The following STX8 variants were observed in gnomAD, a reference collection of about 807,000 sequenced individuals.
STX8 encodes syntaxin-8.
In STX8, 23 loss-of-function variants were observed where a neutral mutation model predicts 37.5. The ratio of observed to expected loss-of-function variants is 0.61; its 90% CI spans 0.44 to 0.87. STX8 has a LOEUF of 0.87. Ranked by LOEUF, STX8 falls within the 40% of genes least tolerant of loss-of-function variation. The pLI is 0.00. For synonymous variants in STX8, 115 were observed against 99.1 expected, an observed-to-expected ratio of 1.16 and a Z score of -0.95; for missense variants, 313 against 284.7, an observed-to-expected ratio of 1.10 and a Z score of -0.71.
chr17:9,417,799 C>A (rs1185069426), intron 6 of STX8, among the ~76,000 whole-genome samples: 5 of 152,122 alleles, frequency 3.3e-5, no homozygotes, highest in Non-Finnish European at 7.4e-5. Flanking sequence ...GGAACCTCCA[C>A]GAACACCCCT....
chr17:9,271,713 G>GCAC (rs1907468820), intron 7 of STX8, among the ~76,000 whole-genome samples: 1 of 142,306 alleles, frequency 7.0e-6, no homozygotes, highest in Non-Finnish European at 1.5e-5. Context: ...TTGTGCCACT[G>GCAC]CACTCCAGCC....
intron 7 of STX8, among the ~76,000 whole-genome samples, chr17:9,338,048 A>ATTTTTTTTTTTTTTTTT (rs972471091): frequency 9.3e-6 from 1 of 107,888 alleles, no homozygotes; most frequent in Non-Finnish European, 1.9e-5. Context: ...CCTCTGAAGG[A>ATTTTTTTTTTTTTTTTT]TTTTTTTTTT....
intron 5 of STX8, among the ~76,000 whole-genome samples, chr17:9,495,717 A>T (rs12453643): frequency 0.18 from 26,655 of 152,192 alleles, 2,516 homozygotes; most frequent in South Asian, 0.24. Context: ...AATTTTCATT[A>T]CACAATCCAA....
chr17:9,401,251 T>G (rs761606796), intron 6 of STX8, among the ~76,000 whole-genome samples: 7 of 152,248 alleles, frequency 4.6e-5, no homozygotes, highest in Non-Finnish European at 1.0e-4. Context: ...TCCTCTTGTA[T>G]CTCAACAAAA....
intron 6 of STX8, among the ~76,000 whole-genome samples, chr17:9,418,917 T>C (rs976500650): frequency 6.2e-5 from 9 of 144,310 alleles, no homozygotes; most frequent in Non-Finnish European, 7.6e-5. Flanking sequence ...CCCCTCTTTT[T>C]TTTTCTTTTT....
At chr17:9,262,214 GTT>G (rs1907063164) in intron 7 of STX8, among the ~76,000 whole-genome samples, 1 of 151,742 alleles carries the variant, frequency 6.6e-6, no homozygotes, top group East Asian at 1.9e-4. Flanking sequence ...TGAGCCCTGC[GTT>G]CCATACATCG....
chr17:9,327,618 G>T (rs1597606918), intron 7 of STX8, among the ~76,000 whole-genome samples: 1 of 152,106 alleles, frequency 6.6e-6, no homozygotes, highest in African/African-American at 2.4e-5. Flanking sequence ...TACAGGGCAG[G>T]ACCTCTCTGG....
intron 7 of STX8, among the ~76,000 whole-genome samples, chr17:9,305,102 A>AT (rs1908929446): frequency 6.6e-6 from 1 of 151,294 alleles, no homozygotes; most frequent in Non-Finnish European, 1.5e-5. Flanking sequence ...TATTATTATT[A>AT]TTATTTTTTG....
At chr17:9,410,152 T>C (rs1164793556) in intron 6 of STX8, among the ~76,000 whole-genome samples, 1 of 152,232 alleles carries the variant, frequency 6.6e-6, no homozygotes, top group Admixed American at 6.5e-5. Flanking sequence ...TGTTTCATGC[T>C]TGCATGAATG....
chr17:9,286,686 C>CAA lies in STX8; in HGVS notation c.644-36043_644-36042dup, dbSNP rs34274390. Among the ~76,000 whole-genome samples, 173 of 82,882 alleles carry CAA rather than the reference C, an allele frequency of 2.1e-3. 1 individual carries two copies. The highest frequency in any genetic ancestry group is 6.7e-3 in the Middle Eastern group (1 of 150). The allele number at this position is 82,882 out of a possible 152,430, so 54.4% of individuals were successfully genotyped here. A position where few individuals can be genotyped will look rare whatever the true frequency, so the allele number is the denominator to read the frequency against. ...AATTGCTTCAGGGAACAAAGGGAAG[C>CAA]AAAAAAAAAAAAAAAAAAGTCCTGT... On this transcript the variant is annotated intron_variant, in intron 7 of 7. Coordinates refer to ENST00000306357, the MANE Select transcript of STX8 (RefSeq NM_004853.3).
intron 7 of STX8, among the ~76,000 whole-genome samples, chr17:9,324,346 A>C (rs16958141): frequency 0.081 from 12,364 of 152,040 alleles, 1,621 homozygotes; most frequent in African/African-American, 0.28. Flanking sequence ...CTTTTTTCCA[A>C]ATTAACAACT....
At chr17:9,495,483 G>A (rs1275772195) in intron 5 of STX8, among the ~76,000 whole-genome samples, 1 of 151,930 alleles carries the variant, frequency 6.6e-6, no homozygotes, top group Non-Finnish European at 1.5e-5. Context: ...TTTCCATTAG[G>A]AAAAGAGTCA....
chr17:9,351,541 T>C lies in STX8; in HGVS notation c.643+27011A>G, dbSNP rs369535642. Among the ~76,000 whole-genome samples the C allele has an allele frequency of 7.6e-4, 116 of 152,304 alleles. No homozygotes were observed. The South Asian group carries it at 0.023, about 31-fold the overall frequency. ...ATCATATCATTGTTAATCTGAAGAA[T>C]TTTAACACTGATACAACATTATCTA... is the stretch of plus-strand genomic sequence containing the variant. On this transcript the variant is annotated intron_variant, in intron 7 of 7. Coordinates refer to ENST00000306357, the MANE Select transcript of STX8 (RefSeq NM_004853.3).
intron 1 of STX8, among the ~76,000 whole-genome samples, chr17:9,574,755 A>G (rs1483076615): frequency 6.6e-6 from 1 of 151,862 alleles, no homozygotes; most frequent in Non-Finnish European, 1.5e-5. Flanking sequence ...GCTGGTCTCG[A>G]CCTCCCGACC....
At chr17:9,458,572 C>G (rs1905255219) in intron 6 of STX8, among the ~76,000 whole-genome samples, 1 of 152,170 alleles carries the variant, frequency 6.6e-6, no homozygotes, top group Non-Finnish European at 1.5e-5. Flanking sequence ...TTGAGAAGAC[C>G]AATGCATGAC....
At chr17:9,530,029 C>T (rs1270297909) in intron 4 of STX8, among the ~76,000 whole-genome samples, 2 of 152,032 alleles carry the variant, frequency 1.3e-5, no homozygotes, top group East Asian at 1.9e-4. Context: ...ACTGCTAGGC[C>T]GGGCGCAGTG....
chr17:9,389,726 G>T (rs1381303655), intron 6 of STX8, among the ~76,000 whole-genome samples: 2 of 151,734 alleles, frequency 1.3e-5, no homozygotes, highest in Non-Finnish European at 2.9e-5. Flanking sequence ...ATGTTATTAT[G>T]CTTTTTGCTT....
chr17:9,441,636 C>T (rs1397438638), intron 6 of STX8, among the ~76,000 whole-genome samples: 5 of 151,232 alleles, frequency 3.3e-5, no homozygotes, highest in African/African-American at 2.4e-5. Flanking sequence ...TGCCCTAAGA[C>T]GCTGAGCTCT....
chr17:9,386,510 A>C, intron 6 of STX8, among the ~76,000 whole-genome samples: 1 of 152,128 alleles, frequency 6.6e-6, no homozygotes, highest in Admixed American at 6.6e-5. Context: ...TACAGCTGTC[A>C]AAACACACAG....
Sources: allele counts gnomAD v4.1 joint callset (sites outside exome capture counted in the v4.1 genomes callset), GRCh38; gene constraint gnomAD v4.1.1; transcripts MANE v1.5; gene names NCBI Gene and HGNC (gene_info 2026-07-23, HGNC 2026-07-21).